The following CROCC2 variants were observed in gnomAD, a reference collection of about 807,000 sequenced individuals.
CROCC2 encodes the protein ciliary rootlet coiled-coil protein 2.
Under a neutral mutation model 177.6 loss-of-function variants are expected in CROCC2, and 163 were observed. That is an observed-to-expected ratio of 0.92 (90% CI 0.81 to 1.05). The LOEUF is 1.05. Among genes scored for constraint, CROCC2 ranks in the 50% least tolerant of loss-of-function variants. The pLI is 0.00. For synonymous variants in CROCC2, 904 were observed against 787.3 expected (o/e 1.15, Z -2.48); for missense variants, 1,929 against 1,797.8 (o/e 1.07, Z -1.32).
chr2:240,965,568 C>A (rs1179154305), intron 23 of CROCC2, 50 bp downstream of exon 23: 4 of 1,549,554 alleles, frequency 2.6e-6, no homozygotes, highest in Admixed American at 3.9e-5. Context: ...CGTCGGGGAG[C>A]AGAGGGAGGA....
chr2:240,955,928 GAGCGGGTAC>G lies in CROCC2; in HGVS notation c.2903_2911del (p.Arg968_Gln970del). Reference sequence around the variant, plus strand: ...GCTCTCCAGGGCCAGGAGGACGCTAGAGCGGGTACAGCAGGAGGCACAGAGCCAGCAGGA... The same window carrying G: ...GCTCTCCAGGGCCAGGAGGACGCTAGAGCAGGAGGCACAGAGCCAGCAGGA... On this transcript the variant is annotated inframe_deletion, in exon 19 of 32. Coordinates refer to ENST00000690015, the MANE Select transcript of CROCC2 (RefSeq NM_001351305.2). The G allele has an allele frequency of 6.5e-7, 1 of 1,534,914 alleles. No individual in the cohort carries two copies. Among genetic ancestry groups the G allele is most frequent in the Non-Finnish European group, 8.7e-7 (1 of 1,146,912 alleles).
chr2:240,959,690 C>G, intron 20 of CROCC2: 1 of 436,750 alleles, frequency 2.3e-6, no homozygotes, highest in African/African-American at 2.0e-5. Context: ...TGGCCCAGGC[C>G]ATTGGCTAAG....
At chr2:240,947,829 C>T (rs1189300041) in intron 15 of CROCC2, among the ~76,000 whole-genome samples, 1 of 152,146 alleles carries the variant, frequency 6.6e-6, no homozygotes, top group Non-Finnish European at 1.5e-5. Flanking sequence ...CCCCGCCAGC[C>T]CACACCCCAA....
intron 18 of CROCC2, chr2:240,955,323 T>C (rs1414836044): frequency 6.5e-6 from 1 of 153,500 alleles, no homozygotes; most frequent in Non-Finnish European, 1.5e-5. Flanking sequence ...GGCCTGGGCA[T>C]AGAGAGAATA....
At position 240,965,715 on chromosome 2, in the gene CROCC2, G is replaced by A. The variant is rs553945073; in HGVS notation, c.3683G>A (p.Arg1228His). The change falls in exon 24 of 32, where the codon CGT becomes CAT. Residue 1228 changes from arginine (R) to histidine (H), a missense_variant. Arg to His is a conservative substitution (Grantham distance 29). Around this residue, in one of 3 missense-constraint regions of CROCC2, gnomAD observed 144 missense variants for 205.2 expected, o/e 0.70. Coordinates refer to ENST00000690015, the MANE Select transcript of CROCC2 (RefSeq NM_001351305.2). The stretch of plus-strand genomic sequence containing the variant: ...GGACAGCGGCTCCAGGAGCACCTCC[G>A]TGAGAGCCGGGGGGCTGAGCAGACC... ...AHGQRLQEHL[R>H]ESRGAEQTLR... The A allele has an allele frequency of 9.1e-5, 141 of 1,547,718 alleles. 1 individual carries two copies. In the South Asian group the frequency reaches 1.1e-3, roughly 13 times the overall value.
chr2:240,949,486 G>A lies in CROCC2; in HGVS notation c.2483-47G>A, dbSNP rs2059540834. 6.5e-7 allele frequency: 1 copy of A among 1,541,482 alleles called. No individual in the cohort carries two copies. The highest frequency in any genetic ancestry group is 8.8e-7 in the Non-Finnish European group (1 of 1,140,040). On this transcript the variant is annotated intron_variant, in intron 16 of 31. Transcript: ENST00000690015. This position sits in a 1 kb window ranked among gnomAD's most constrained non-coding sequence, Gnocchi z 4.5. ...TCCCTAGGAAGTCCCAAAGGGTTCAGGGGTCCACATGCCAGGCCCTGGTGC... is the reference window on the plus strand; with the variant it reads ...TCCCTAGGAAGTCCCAAAGGGTTCAAGGGTCCACATGCCAGGCCCTGGTGC...
chr2:240,921,246 G>A (rs899609257), intron 3 of CROCC2, among the ~76,000 whole-genome samples: 3 of 152,126 alleles, frequency 2.0e-5, no homozygotes, highest in Non-Finnish European at 2.9e-5. Flanking sequence ...TGAGGGGCCC[G>A]TTCTCTGCTC....
intron 1 of CROCC2, among the ~76,000 whole-genome samples, chr2:240,911,487 G>A (rs533977698): frequency 6.6e-6 from 1 of 152,084 alleles, no homozygotes; most frequent in African/African-American, 2.4e-5. Context: ...CAGTGGAGAC[G>A]AGGTTTCGCC....
chr2:240,913,301 G>C (rs765864186), intron 1 of CROCC2, among the ~76,000 whole-genome samples: 3 of 151,678 alleles, frequency 2.0e-5, no homozygotes, highest in Non-Finnish European at 4.4e-5. Context: ...TGGACACAGT[G>C]CCCGGGCTCT....
At chr2:240,963,369 T>C in intron 20 of CROCC2, 187 bp from the exon 21 acceptor site, 1 of 608,358 alleles carries the variant, frequency 1.6e-6, no homozygotes, top group Non-Finnish European at 2.8e-6. Context: ...CCTCAGCCCG[T>C]GGAAGCCGCC....
At chr2:240,950,196 G>A in intron 17 of CROCC2, 138 bp from the exon 18 acceptor site, 2 of 757,128 alleles carry the variant, frequency 2.6e-6, no homozygotes, top group Non-Finnish European at 2.1e-6. Context: ...GACGTGGGGG[G>A]TGTGCAGCTG....
In CROCC2 at chr2:240,959,288, C is replaced by T; in HGVS notation, c.2944-13C>T. The T allele has an allele frequency of 6.5e-7, 1 of 1,549,800 alleles. No homozygotes were observed. Among genetic ancestry groups the T allele is most frequent in the South Asian group, 1.2e-5 (1 of 83,982 alleles). On this transcript the variant is annotated splice_polypyrimidine_tract_variant and intron_variant, in intron 19 of 31. Transcript: ENST00000690015. Reference sequence around the variant, plus strand: ...GCTCCCTGGTGCCACCGTGGGCTCCCTTCTCCCCGCAGGCCACCATCAGTG... The same window carrying T: ...GCTCCCTGGTGCCACCGTGGGCTCCTTTCTCCCCGCAGGCCACCATCAGTG...
At chr2:240,907,342 C>A (rs927296588) in intron 1 of CROCC2, among the ~76,000 whole-genome samples, 1 of 152,092 alleles carries the variant, frequency 6.6e-6, no homozygotes, top group Non-Finnish European at 1.5e-5. Flanking sequence ...ACCCAGCCTG[C>A]GGTCCCACCT....
rs902325536 is a variant in CROCC2 at position 240,917,562 on chromosome 2, G to T, written c.79-1164G>T. On this transcript the variant is annotated intron_variant, in intron 1 of 31. Coordinates refer to ENST00000690015, the MANE Select transcript of CROCC2 (RefSeq NM_001351305.2). This position sits in a 1 kb window ranked among gnomAD's most constrained non-coding sequence, Gnocchi z 4.9. Reference sequence around the variant, plus strand: ...CCCTGGTCAGGAGGAAAATCCAGGAGGCACAAGGTGGGGGAGCTGCCCTGC... The same window carrying T: ...CCCTGGTCAGGAGGAAAATCCAGGATGCACAAGGTGGGGGAGCTGCCCTGC... Among the ~76,000 whole-genome samples the T allele has an allele frequency of 6.6e-6, 1 of 152,162 alleles. No individual in the cohort carries two copies. The highest frequency in any genetic ancestry group is 1.9e-4 in the East Asian group (1 of 5,168).
At chr2:240,964,663 C>T in intron 22 of CROCC2, 38 bp downstream of exon 22, 1 of 1,537,334 alleles carries the variant, frequency 6.5e-7, no homozygotes, top group Non-Finnish European at 8.8e-7. Context: ...CAACCAGGCA[C>T]CCTCCCGCCT....
chr2:240,913,130 G>A (rs981390346), intron 1 of CROCC2, among the ~76,000 whole-genome samples: 21 of 152,096 alleles, frequency 1.4e-4, no homozygotes, highest in East Asian at 7.7e-4. Context: ...TCCAAGGATC[G>A]TGTCCCACAA....
At chr2:240,961,606 A>ACAC (rs2059635632) in intron 20 of CROCC2, among the ~76,000 whole-genome samples, 1 of 147,472 alleles carries the variant, frequency 6.8e-6, no homozygotes, top group Admixed American at 6.8e-5. Flanking sequence ...ACACGCACTC[A>ACAC]CACATACACT....
Position 240,949,169 on chromosome 2 carries a change from G to C in CROCC2, c.2482+72G>C. The stretch of plus-strand genomic sequence containing the variant: ...GGAGGGGCCCCTGGAATGGAGCTCA[G>C]TGCCCACACGTGCTGCACCCCCTCT... On this transcript the variant is annotated intron_variant, in intron 16 of 31. Transcript: ENST00000690015. The surrounding 1 kb of genome is among the most constrained non-coding windows in gnomAD (Gnocchi z 4.5). The C allele has an allele frequency of 6.9e-7, 1 of 1,459,564 alleles. No homozygotes were observed. Among genetic ancestry groups the C allele is most frequent in the Non-Finnish European group, 9.0e-7 (1 of 1,109,622 alleles). 90.4% of individuals were successfully genotyped at this position (1,459,564 alleles called of 1,614,324 possible).
At chr2:240,969,879 C>T (rs1354820303) in intron 27 of CROCC2, among the ~76,000 whole-genome samples, 4 of 152,032 alleles carry the variant, frequency 2.6e-5, no homozygotes, top group East Asian at 1.9e-4. Flanking sequence ...TACAGGCACC[C>T]GCCAATACAC....
Sources: allele counts gnomAD v4.1 joint callset (sites outside exome capture counted in the v4.1 genomes callset), GRCh38; gene constraint gnomAD v4.1.1; regional missense constraint gnomAD v4.1.1; non-coding constraint Gnocchi (gnomAD v3.1); transcripts MANE v1.5; gene names NCBI Gene and HGNC (gene_info 2026-07-23, HGNC 2026-07-21).